CCDC3: variants seen among roughly 807,000 people sequenced by gnomAD.
CCDC3 encodes coiled-coil domain containing 3.
Under a neutral mutation model 21.4 loss-of-function variants are expected in CCDC3, and 24 were observed. The ratio of observed to expected loss-of-function variants is 1.12; its 90% confidence interval spans 0.81 to 1.58. CCDC3 has a LOEUF of 1.58. CCDC3 is among the 40% of genes most tolerant of loss of function. The pLI is 0.00. For missense variants in CCDC3, 425 were observed against 360.9 expected, an observed-to-expected ratio of 1.18 and a Z score of -1.44; for synonymous variants, 186 against 166.0, an observed-to-expected ratio of 1.12 and a Z score of -0.93.
chr10:12,959,070 C>A (rs1015020483), intron 2 of CCDC3, among the ~76,000 whole-genome samples: 1 of 152,190 alleles, frequency 6.6e-6, no homozygotes, highest in Non-Finnish European at 1.5e-5. Context: ...GGATTAAATA[C>A]TGGACCCACA....
chr10:13,027,632 G>A (rs970767667), intron 5 of CCDC3, among the ~76,000 whole-genome samples: 1 of 151,586 alleles, frequency 6.6e-6, no homozygotes, highest in Admixed American at 6.6e-5. Context: ...GATTGCTTGA[G>A]CTTGGGAGTT....
At chr10:12,960,676 T>C (rs1835167380) in intron 2 of CCDC3, among the ~76,000 whole-genome samples, 2 of 151,752 alleles carry the variant, frequency 1.3e-5, no homozygotes, top group South Asian at 4.2e-4. Context: ...AGGCGAGAAA[T>C]GTGGAAGATG....
chr10:13,063,794 A>G (rs1836790802), intron 4 of CCDC3, among the ~76,000 whole-genome samples: 1 of 152,166 alleles, frequency 6.6e-6, no homozygotes, highest in Non-Finnish European at 1.5e-5. Context: ...ATATCTTGCA[A>G]GTTCTGGGAT....
chr10:13,071,901 C>T (rs1836886678), intron 4 of CCDC3, among the ~76,000 whole-genome samples: 1 of 151,884 alleles, frequency 6.6e-6, no homozygotes, highest in African/African-American at 2.4e-5. Context: ...ATAATGGTGT[C>T]TCTGTACTAT....
chr10:12,985,802 T>C (rs1024586983), intron 2 of CCDC3, among the ~76,000 whole-genome samples: 1 of 152,148 alleles, frequency 6.6e-6, no homozygotes, highest in Non-Finnish European at 1.5e-5. Context: ...AGAAGCCACT[T>C]GGTGATGGGA....
chr10:12,949,153 T>C (rs1008369754), intron 2 of CCDC3, among the ~76,000 whole-genome samples: 1 of 152,146 alleles, frequency 6.6e-6, no homozygotes, highest in Admixed American at 6.5e-5. Flanking sequence ...CAGACACAAC[T>C]GCCAGTGTTC....
intron 5 of CCDC3, among the ~76,000 whole-genome samples, chr10:13,034,135 A>G (rs1370288765): frequency 6.6e-6 from 1 of 152,324 alleles, no homozygotes; most frequent in South Asian, 2.1e-4. Context: ...AATGTGGCAC[A>G]TATACACCAT....
chr10:13,039,151 C>G (rs1049836139), intron 5 of CCDC3, among the ~76,000 whole-genome samples: 3 of 152,204 alleles, frequency 2.0e-5, no homozygotes, highest in Non-Finnish European at 2.9e-5. Flanking sequence ...ACTTCGAGCT[C>G]ACACCTGTAA....
intron 3 of CCDC3, among the ~76,000 whole-genome samples, chr10:13,077,632 A>T (rs1481168505): frequency 6.6e-6 from 1 of 151,630 alleles, no homozygotes; most frequent in African/African-American, 2.4e-5. Context: ...CAGTAACCAA[A>T]ACAGCACAGT....
At chr10:12,913,919 C>T (rs1324013483) in intron 2 of CCDC3, among the ~76,000 whole-genome samples, 2 of 152,114 alleles carry the variant, frequency 1.3e-5, no homozygotes, top group Non-Finnish European at 2.9e-5. Flanking sequence ...ATGCTTATAT[C>T]CCTGGGATAA....
At chr10:13,061,552 A>G (rs694814) in intron 4 of CCDC3, among the ~76,000 whole-genome samples, 88,258 of 152,000 alleles carry the variant, frequency 0.58, 26,426 homozygotes, top group African/African-American at 0.73. Context: ...TATGCCCAGG[A>G]TGGTCAGGGT....
At chr10:12,904,492 G>A (rs1405577758) in intron 2 of CCDC3, among the ~76,000 whole-genome samples, 939 of 20,912 alleles carry the variant, frequency 0.045, 2 homozygotes, top group Non-Finnish European at 0.069. Flanking sequence ...AAAAAAAAAA[G>A]ACTGGCTCAG....
intron 2 of CCDC3, among the ~76,000 whole-genome samples, chr10:12,916,202 G>C (rs1834350703): frequency 2.6e-5 from 4 of 152,178 alleles, no homozygotes; most frequent in South Asian, 2.1e-4. Context: ...GGGAGGCCAA[G>C]GTGGGCGGAT....
chr10:13,061,461 A>G (rs1044419861), intron 4 of CCDC3, among the ~76,000 whole-genome samples: 3 of 152,242 alleles, frequency 2.0e-5, no homozygotes, highest in Non-Finnish European at 4.4e-5. Context: ...CAAACTCTGT[A>G]GAATATCTGA....
intron 4 of CCDC3, among the ~76,000 whole-genome samples, chr10:13,070,821 T>C (rs1283187289): frequency 6.6e-6 from 1 of 152,224 alleles, no homozygotes; most frequent in Non-Finnish European, 1.5e-5. Flanking sequence ...CCCAGTCCTA[T>C]CATGATTTGT....
intron 5 of CCDC3, among the ~76,000 whole-genome samples, chr10:13,010,226 T>C (rs2131398123): frequency 6.6e-6 from 1 of 151,938 alleles, no homozygotes; most frequent in Non-Finnish European, 1.5e-5. Context: ...CCAGCCTGGG[T>C]GACAGAGCAA....
chr10:12,957,873 C>T (rs1835117324), intron 2 of CCDC3, among the ~76,000 whole-genome samples: 1 of 152,072 alleles, frequency 6.6e-6, no homozygotes, highest in African/African-American at 2.4e-5. Context: ...TGAGAAGGAG[C>T]CTCGCTCTGT....
In CCDC3 at chr10:12,998,410, C is replaced by T. The variant is rs761773232; in HGVS notation, c.477G>A (p.Gln159=). The T allele has an allele frequency of 6.2e-7, 1 of 1,614,186 alleles. No individual in the cohort carries two copies. ...GCTGCCCTTGCGAACAGTTTGAAAACTGGAAAAGGCTAGAAAACATCCTTC... is the reference window on the plus strand; with the variant it reads ...GCTGCCCTTGCGAACAGTTTGAAAATTGGAAAAGGCTAGAAAACATCCTTC... The part of the protein sequence containing the change: ...ENRRMFSSLF[Q]FSNCSQGQQL... The change falls in exon 2 of 3, where the codon CAG becomes CAA. Residue 159 remains glutamine (Q), a synonymous_variant. Transcript: ENST00000378825.
At chr10:13,056,356 G>A (rs1310507591) in intron 4 of CCDC3, among the ~76,000 whole-genome samples, 6 of 152,120 alleles carry the variant, frequency 3.9e-5, no homozygotes, top group East Asian at 1.9e-4. Flanking sequence ...TTGGACATAC[G>A]GCCAAATCTA....
Sources: allele counts gnomAD v4.1 joint callset (sites outside exome capture counted in the v4.1 genomes callset), GRCh38; gene constraint gnomAD v4.1.1; transcripts MANE v1.5; gene names NCBI Gene and HGNC (gene_info 2026-07-23, HGNC 2026-07-21).